CMTM3: variants seen among roughly 807,000 people sequenced by gnomAD.
The protein encoded by CMTM3 is CKLF like MARVEL transmembrane domain containing 3.
CMTM3 carries 7 observed loss-of-function variants against 18.2 expected under a neutral mutation model. The ratio of observed to expected loss-of-function variants is 0.38; its 90% CI spans 0.22 to 0.72. The LOEUF (loss-of-function observed/expected upper bound fraction) is 0.72, where lower values mean the gene tolerates loss of function less well. Ranked by LOEUF, CMTM3 falls within the 30% of genes least tolerant of loss-of-function variation. CMTM3 has a pLI of 0.46. For synonymous variants in CMTM3, 109 were observed against 111.2 expected, an observed-to-expected ratio of 0.98 and a Z score of 0.12; for missense variants, 227 against 249.2, an observed-to-expected ratio of 0.91 and a Z score of 0.60.
chr16:66,606,968 T>G (rs2015180087), intron 1 of CMTM3, among the ~76,000 whole-genome samples: 3 of 152,186 alleles, frequency 2.0e-5, no homozygotes, highest in Admixed American at 2.0e-4. Flanking sequence ...CACTCCAGCC[T>G]GGGAGACGGA....
In CMTM3 at chr16:66,612,738, G is replaced by A; in HGVS notation, c.*101G>A. 8.4e-7 allele frequency: 1 copy of A among 1,187,646 alleles called. No individual in the cohort carries two copies. The highest frequency in any genetic ancestry group is 1.2e-6 in the Non-Finnish European group (1 of 815,144). 73.6% of individuals were successfully genotyped at this position (1,187,646 alleles called of 1,614,324 possible). A position where few individuals can be genotyped will look rare whatever the true frequency, so the allele number is the denominator to read the frequency against. ...GAGCGGAGGCCTGGACTTCTGAGTTGCAGAGGGGGCTGCGGACACAGCAGG... is the reference window on the plus strand; with the variant it reads ...GAGCGGAGGCCTGGACTTCTGAGTTACAGAGGGGGCTGCGGACACAGCAGG... On this transcript the variant is annotated 3_prime_UTR_variant, in exon 5 of 5. Coordinates refer to ENST00000567572, the MANE Select transcript of CMTM3 (RefSeq NM_181553.4). This position sits in a 1 kb window ranked among gnomAD's most constrained non-coding sequence, Gnocchi z 6.0.
chr16:66,604,617 C>A, upstream of CMTM3: 1 of 359,252 alleles, frequency 2.8e-6, no homozygotes, highest in Non-Finnish European at 4.3e-6. Flanking sequence ...TCCCCCGCAG[C>A]CGGGGTCCGA....
At position 66,612,688 on chromosome 16, in the gene CMTM3, C is replaced by A. The variant is rs3743719; in HGVS notation, c.*51C>A. On this transcript the variant is annotated 3_prime_UTR_variant, in exon 5 of 5. Coordinates refer to ENST00000567572, the MANE Select transcript of CMTM3 (RefSeq NM_181553.4). The surrounding 1 kb of genome is among the most constrained non-coding windows in gnomAD (Gnocchi z 6.0). ...TGAGCCACACAGGCCTCCACCCCTG[C>A]GCCTCACAGGGGTCGCTGGCGTTGG... The A allele has an allele frequency of 6.3e-7, 1 of 1,588,482 alleles. No homozygotes were observed. Among genetic ancestry groups the A allele is most frequent in the Non-Finnish European group, 8.6e-7 (1 of 1,158,696 alleles).
intron 1 of CMTM3, among the ~76,000 whole-genome samples, chr16:66,606,958 C>T (rs2015179635): frequency 6.6e-6 from 1 of 152,224 alleles, no homozygotes; most frequent in Non-Finnish European, 1.5e-5. Flanking sequence ...CGTGCCACTG[C>T]ACTCCAGCCT....
chr16:66,612,784 T>C lies in CMTM3; in HGVS notation c.*147T>C. 1.3e-6 allele frequency: 1 copy of C among 767,182 alleles called. No homozygotes were observed. The allele number at this position is 767,182 out of a possible 1,614,324, so 47.5% of individuals were successfully genotyped here. ...GCAGGCCCCCTACAGCCTCAGGTTC[T>C]GCCTGAGCCCAGCCTACCAGGCTTG... On this transcript the variant is annotated 3_prime_UTR_variant, in exon 5 of 5. Transcript: ENST00000567572. This position sits in a 1 kb window ranked among gnomAD's most constrained non-coding sequence, Gnocchi z 6.0.
Position 66,609,973 on chromosome 16 carries a change from G to A in CMTM3, c.490G>A (p.Ala164Thr), listed in dbSNP as rs1395116276. ...VAKFLKQGDS[A>T]DETTAHKTEE... Reference sequence around the variant, plus strand: ...CAAATTCCTCAAACAAGGGGACTCTGCAGATGAGACCACAGCCCACAAGAC... The same window carrying A: ...CAAATTCCTCAAACAAGGGGACTCTACAGATGAGACCACAGCCCACAAGAC... Residue 164 changes from alanine to threonine, a missense_variant, in exon 4 of 5, where the codon GCA becomes ACA. Physicochemically the swap from Ala to Thr is moderately conservative, Grantham distance 58. Transcript: ENST00000567572. The surrounding 1 kb of genome is among the most constrained non-coding windows in gnomAD (Gnocchi z 4.4). 6.2e-7 allele frequency: 1 copy of A among 1,614,190 alleles called. No individual in the cohort carries two copies. The highest frequency in any genetic ancestry group is 8.5e-7 in the Non-Finnish European group (1 of 1,180,030).
At position 66,612,771 on chromosome 16, in the gene CMTM3, C is replaced by A; in HGVS notation, c.*134C>A. 1.2e-6 allele frequency: 1 copy of A among 856,074 alleles called. No homozygotes were observed. Among genetic ancestry groups the A allele is most frequent in the Non-Finnish European group, 1.8e-6 (1 of 543,536 alleles). The allele number at this position is 856,074 out of a possible 1,614,324, so 53.0% of individuals were successfully genotyped here. A position where few individuals can be genotyped will look rare whatever the true frequency, so the allele number is the denominator to read the frequency against. ...GGCTGCGGACACAGCAGGCCCCCTA[C>A]AGCCTCAGGTTCTGCCTGAGCCCAG... is the stretch of plus-strand genomic sequence containing the variant. On this transcript the variant is annotated 3_prime_UTR_variant, in exon 5 of 5. Transcript: ENST00000567572. The surrounding 1 kb of genome is among the most constrained non-coding windows in gnomAD (Gnocchi z 6.0).
In CMTM3 at chr16:66,612,466, C is replaced by T. The variant is rs1036479659; in HGVS notation, c.521-143C>T. ...GGCCCGCGGCCTGCCCTGATGCCAG[C>T]GATCACTGGGAACGGTAGAGTCAGC... On this transcript the variant is annotated intron_variant, in intron 4 of 4. Transcript: ENST00000567572. This position sits in a 1 kb window ranked among gnomAD's most constrained non-coding sequence, Gnocchi z 6.0. The T allele has an allele frequency of 3.4e-5, 26 of 759,096 alleles. No homozygotes were observed. Among genetic ancestry groups the T allele is most frequent in the Non-Finnish European group, 5.4e-5 (25 of 460,392 alleles). 47.0% of individuals were successfully genotyped at this position (759,096 alleles called of 1,614,324 possible). A position where few individuals can be genotyped will look rare whatever the true frequency, so the allele number is the denominator to read the frequency against.
At position 66,608,589 on chromosome 16, in the gene CMTM3, T is replaced by A; in HGVS notation, c.303+125T>A. The A allele has an allele frequency of 1.1e-6, 1 of 912,330 alleles. No individual in the cohort carries two copies. Among genetic ancestry groups the A allele is most frequent in the Non-Finnish European group, 1.6e-6 (1 of 609,640 alleles). The allele number at this position is 912,330 out of a possible 1,614,324, so 56.5% of individuals were successfully genotyped here. A position where few individuals can be genotyped will look rare whatever the true frequency, so the allele number is the denominator to read the frequency against. On this transcript the variant is annotated intron_variant, in intron 2 of 4. Transcript: ENST00000567572. This position sits in a 1 kb window ranked among gnomAD's most constrained non-coding sequence, Gnocchi z 5.1. ...GCTGGAGTTTGCAGTTGGTTAGAAC[T>A]GGATGGAGAGACCCAGCTTCAGATC...
chr16:66,611,509 GGAGT>G (rs1327615741), intron 4 of CMTM3, among the ~76,000 whole-genome samples: 2 of 152,140 alleles, frequency 1.3e-5, no homozygotes, highest in Admixed American at 6.5e-5. Context: ...CCCAGGAACC[GGAGT>G]GAGGGACAGA....
chr16:66,604,531 G>A, upstream of CMTM3: 1 of 278,194 alleles, frequency 3.6e-6, no homozygotes, highest in Non-Finnish European at 6.7e-6. Flanking sequence ...GGTCTCCAGC[G>A]GCCCGAACCA....
Position 66,605,238 on chromosome 16 carries a change from T to G in CMTM3, c.147+286T>G. 1 of 288,806 alleles carries G rather than the reference T, an allele frequency of 3.5e-6. No individual in the cohort carries two copies. Among genetic ancestry groups the G allele is most frequent in the East Asian group, 5.9e-5 (1 of 16,852 alleles). 17.9% of individuals were successfully genotyped at this position (288,806 alleles called of 1,614,324 possible). On this transcript the variant is annotated intron_variant, in intron 1 of 4. Transcript: ENST00000567572. The surrounding 1 kb of genome is among the most constrained non-coding windows in gnomAD (Gnocchi z 4.6). ...TGGGGCCCGGGGATGTGGGTCCTGC[T>G]GTGTGAGCCAGGCGCCCCCGCCCTC...
In CMTM3 at chr16:66,610,712, C is replaced by T. The variant is rs115301812; in HGVS notation, c.520+709C>T. ...GCTTCTCTGGACCAGGCGGATGTGC[C>T]CCTGTGCTGGCAGTGCCTGTGGCTG... is the stretch of plus-strand genomic sequence containing the variant. On this transcript the variant is annotated intron_variant, in intron 4 of 4. Transcript: ENST00000567572. This position sits in a 1 kb window ranked among gnomAD's most constrained non-coding sequence, Gnocchi z 4.6. The T allele has an allele frequency of 5.8e-3, 2,291 of 397,876 alleles. 40 individuals are homozygous for T. Among genetic ancestry groups the T allele is most frequent in the African/African-American group, 0.036 (1,735 of 48,692 alleles). The allele number at this position is 397,876 out of a possible 1,614,324, so 24.6% of individuals were successfully genotyped here.
In CMTM3 at chr16:66,612,705, T is replaced by G; in HGVS notation, c.*68T>G. ...CACCCCTGCGCCTCACAGGGGTCGC[T>G]GGCGTTGGAGCGGAGGCCTGGACTT... On this transcript the variant is annotated 3_prime_UTR_variant, in exon 5 of 5. Coordinates refer to ENST00000567572, the MANE Select transcript of CMTM3 (RefSeq NM_181553.4). The surrounding 1 kb of genome is among the most constrained non-coding windows in gnomAD (Gnocchi z 6.0). 1 of 1,513,986 alleles carries G rather than the reference T, an allele frequency of 6.6e-7. No individual in the cohort carries two copies. Among genetic ancestry groups the G allele is most frequent in the Non-Finnish European group, 9.2e-7 (1 of 1,092,868 alleles). 93.8% of individuals were successfully genotyped at this position (1,513,986 alleles called of 1,614,324 possible). A position where few individuals can be genotyped will look rare whatever the true frequency, so the allele number is the denominator to read the frequency against.
Position 66,608,923 on chromosome 16 carries a change from A to G in CMTM3, c.303+459A>G, listed in dbSNP as rs2015262977. ...GCTGAATGAAATGTGTCCTAGAGAA[A>G]GGGCAGCAAAGGCTCAACTTGAACC... is the stretch of plus-strand genomic sequence containing the variant. On this transcript the variant is annotated intron_variant, in intron 2 of 4. Transcript: ENST00000567572. This position sits in a 1 kb window ranked among gnomAD's most constrained non-coding sequence, Gnocchi z 5.1. Among the ~76,000 whole-genome samples, 1 of 152,088 alleles carries G rather than the reference A, an allele frequency of 6.6e-6. No homozygotes were observed. Among genetic ancestry groups the G allele is most frequent in the African/African-American group, 2.4e-5 (1 of 41,336 alleles).
chr16:66,605,173 T>G lies in CMTM3; in HGVS notation c.147+221T>G. 2.4e-6 allele frequency: 1 copy of G among 419,800 alleles called. No homozygotes were observed. The highest frequency in any genetic ancestry group is 4.1e-5 in the East Asian group (1 of 24,128). The allele number at this position is 419,800 out of a possible 1,614,324, so 26.0% of individuals were successfully genotyped here. A position where few individuals can be genotyped will look rare whatever the true frequency, so the allele number is the denominator to read the frequency against. Reference sequence around the variant, plus strand: ...CCCGAGCCCAGGCCATCCGCGGCGCTGTCCCCGCGAGTCCAGAGCTGGGGG... The same window carrying G: ...CCCGAGCCCAGGCCATCCGCGGCGCGGTCCCCGCGAGTCCAGAGCTGGGGG... On this transcript the variant is annotated intron_variant, in intron 1 of 4. Transcript: ENST00000567572. The surrounding 1 kb of genome is among the most constrained non-coding windows in gnomAD (Gnocchi z 4.6).
Position 66,609,309 on chromosome 16 carries a change from G to A in CMTM3, c.304-126G>A. 1.3e-6 allele frequency: 1 copy of A among 772,682 alleles called. No homozygotes were observed. 47.9% of individuals were successfully genotyped at this position (772,682 alleles called of 1,614,324 possible). On this transcript the variant is annotated intron_variant, in intron 2 of 4. Coordinates refer to ENST00000567572, the MANE Select transcript of CMTM3 (RefSeq NM_181553.4). This position sits in a 1 kb window ranked among gnomAD's most constrained non-coding sequence, Gnocchi z 4.4. ...ACAAGGGCCTAGGCATGTGGGTGGGGCCAGGATGGGATAGGAGCCCTCAGG... is the reference window on the plus strand; with the variant it reads ...ACAAGGGCCTAGGCATGTGGGTGGGACCAGGATGGGATAGGAGCCCTCAGG...
chr16:66,609,874 T>C lies in CMTM3; in HGVS notation c.400-9T>C, dbSNP rs1249770733. 1.2e-6 allele frequency: 2 copies of C among 1,614,076 alleles called. No individual in the cohort carries two copies. Among genetic ancestry groups the C allele is most frequent in the East Asian group, 2.2e-5 (1 of 44,876 alleles). On this transcript the variant is annotated splice_polypyrimidine_tract_variant and intron_variant, in intron 3 of 4. Coordinates refer to ENST00000567572, the MANE Select transcript of CMTM3 (RefSeq NM_181553.4). This position sits in a 1 kb window ranked among gnomAD's most constrained non-coding sequence, Gnocchi z 4.4. ...GCCCTGTGATGCATCCCATCCACCCTGTCCACAGGTGTTTGGCTTCTTTGC... is the reference window on the plus strand; with the variant it reads ...GCCCTGTGATGCATCCCATCCACCCCGTCCACAGGTGTTTGGCTTCTTTGC...
chr16:66,613,249 C>A lies in CMTM3; in HGVS notation c.*612C>A. On this transcript the variant is annotated 3_prime_UTR_variant, in exon 5 of 5. Transcript: ENST00000567572. Reference sequence around the variant, plus strand: ...GCACCCATAACTAACACCTCCCACCCTTGGAAACCATGTCTTCTGGGGGTG... The same window carrying A: ...GCACCCATAACTAACACCTCCCACCATTGGAAACCATGTCTTCTGGGGGTG... The A allele has an allele frequency of 7.7e-6, 5 of 652,784 alleles. No individual in the cohort carries two copies. The highest frequency in any genetic ancestry group is 1.4e-5 in the Non-Finnish European group (5 of 360,412). 40.4% of individuals were successfully genotyped at this position (652,784 alleles called of 1,614,324 possible). A position where few individuals can be genotyped will look rare whatever the true frequency, so the allele number is the denominator to read the frequency against.
Sources: allele counts gnomAD v4.1 joint callset (sites outside exome capture counted in the v4.1 genomes callset), GRCh38; gene constraint gnomAD v4.1.1; non-coding constraint Gnocchi (gnomAD v3.1); transcripts MANE v1.5; gene names NCBI Gene and HGNC (gene_info 2026-07-23, HGNC 2026-07-21).